Variants in DLGAP2 observed in about 807,000 individuals in gnomAD.
DLGAP2 encodes the protein disks large-associated protein 2.
In DLGAP2, 26 loss-of-function variants were observed where a neutral mutation model predicts 100.3. The observed-to-expected ratio is 0.26, with a 90% CI of 0.19 to 0.36. The LOEUF (loss-of-function observed/expected upper bound fraction) is 0.36, where lower values mean the gene tolerates loss of function less well. DLGAP2 is among the 10% of genes least tolerant of loss of function. The pLI, the probability that DLGAP2 is intolerant of heterozygous loss-of-function variation, is 1.00. For synonymous variants in DLGAP2, 886 were observed against 630.1 expected, an observed-to-expected ratio of 1.41 and a Z score of -6.08; for missense variants, 1,858 against 1,453.2, an observed-to-expected ratio of 1.28 and a Z score of -4.53.
intron 4 of DLGAP2, among the ~76,000 whole-genome samples, chr8:1,520,133 C>T (rs909550278): frequency 6.6e-6 from 1 of 152,228 alleles, no homozygotes; most frequent in Non-Finnish European, 1.5e-5. Context: ...ATGGGCTATA[C>T]ACCTGATGAA....
At chr8:1,376,464 G>T (rs1019283692) in intron 3 of DLGAP2, among the ~76,000 whole-genome samples, 2 of 152,254 alleles carry the variant, frequency 1.3e-5, no homozygotes, top group Admixed American at 6.5e-5. Context: ...TGGAAGCTGG[G>T]CTGACCTGCG....
intron 2 of DLGAP2, among the ~76,000 whole-genome samples, chr8:1,227,121 C>A (rs1337275563): frequency 9.5e-6 from 1 of 105,228 alleles, no homozygotes; most frequent in East Asian, 3.0e-4. Context: ...CCTGAGTGTC[C>A]TTCAACAAAT....
chr8:897,831 C>G (rs897487620), intron 1 of DLGAP2, among the ~76,000 whole-genome samples: 1 of 152,168 alleles, frequency 6.6e-6, no homozygotes, highest in Non-Finnish European at 1.5e-5. Flanking sequence ...GGGTGCTCTC[C>G]GTGCGGGGTT....
chr8:1,075,922 A>C (rs1388330547), intron 2 of DLGAP2, among the ~76,000 whole-genome samples: 1 of 152,030 alleles, frequency 6.6e-6, no homozygotes, highest in Non-Finnish European at 1.5e-5. Flanking sequence ...AAACAAAAAA[A>C]AAGAAAAAAG....
At chr8:978,542 G>A (rs1162332467) in intron 2 of DLGAP2, among the ~76,000 whole-genome samples, 3 of 100,328 alleles carry the variant, frequency 3.0e-5, no homozygotes, top group Admixed American at 2.3e-4. Context: ...TGCAGTGAGA[G>A]GGTGGGTTCT....
chr8:1,243,431 T>TGA (rs1798840839), intron 2 of DLGAP2, among the ~76,000 whole-genome samples: 1 of 152,214 alleles, frequency 6.6e-6, no homozygotes, highest in African/African-American at 2.4e-5. Flanking sequence ...CTGCACCCTC[T>TGA]GTCATCTGAG....
intron 6 of DLGAP2, among the ~76,000 whole-genome samples, chr8:1,582,547 G>C (rs1426885389): frequency 2.0e-5 from 3 of 150,828 alleles, no homozygotes; most frequent in Non-Finnish European, 4.4e-5. Flanking sequence ...GAAATTCATT[G>C]CTAGCAGACC....
Position 1,689,701 on chromosome 8 carries a change from C to T in DLGAP2, c.2705-1834C>T, listed in dbSNP as rs375409423. Among the ~76,000 whole-genome samples, 7 of 152,148 alleles carry T rather than the reference C, an allele frequency of 4.6e-5. No individual in the cohort carries two copies. The East Asian group carries it at 1.2e-3, about 25-fold the overall frequency. ...AAGACGCAGATGACGCCCCGTGAGC[C>T]AGCTCAGGAAAGACGGCCCCACCTT... On this transcript the variant is annotated intron_variant, in intron 12 of 14. Transcript: ENST00000637795.
At chr8:1,452,391 C>T (rs555447089) in intron 3 of DLGAP2, among the ~76,000 whole-genome samples, 51 of 152,354 alleles carry the variant, frequency 3.3e-4, no homozygotes, top group Non-Finnish European at 5.1e-4. Flanking sequence ...CGAGGCTATG[C>T]GTGCGACAGG....
At chr8:1,545,111 T>C (rs1315506738) in intron 4 of DLGAP2, among the ~76,000 whole-genome samples, 1 of 152,162 alleles carries the variant, frequency 6.6e-6, no homozygotes, top group African/African-American at 2.4e-5. Context: ...CTGGCTTTGC[T>C]AGCAGGGTAA....
chr8:1,161,945 G>A (rs187900257), intron 2 of DLGAP2, among the ~76,000 whole-genome samples: 7 of 152,378 alleles, frequency 4.6e-5, no homozygotes, highest in African/African-American at 1.7e-4. Flanking sequence ...CGTGTGCCAA[G>A]TCAGGGGTGC....
chr8:1,053,407 G>T lies in DLGAP2; in HGVS notation c.73+145441G>T, dbSNP rs2600517. ...CATACCCTTGGAAGGGAAGGAGCTT[G>T]TGCAAGCTTGATCTCCACAGAGAAG... On this transcript the variant is annotated intron_variant, in intron 2 of 14. Coordinates refer to ENST00000637795, the MANE Select transcript of DLGAP2 (RefSeq NM_001346810.2). Among the ~76,000 whole-genome samples, 872 of 152,268 alleles carry T rather than the reference G, an allele frequency of 5.7e-3. 10 individuals are homozygous for T. Among genetic ancestry groups the T allele is most frequent in the African/African-American group, 0.02 (834 of 41,546 alleles).
intron 3 of DLGAP2, among the ~76,000 whole-genome samples, chr8:1,491,472 T>C (rs564565489): frequency 1.6e-4 from 24 of 151,294 alleles, no homozygotes; most frequent in Non-Finnish European, 3.5e-4. Context: ...TAGCCTGAGA[T>C]TTGAAGGCCA....
intron 5 of DLGAP2, among the ~76,000 whole-genome samples, chr8:1,550,070 C>T (rs1177089301): frequency 2.0e-5 from 3 of 152,168 alleles, no homozygotes; most frequent in East Asian, 1.9e-4. Context: ...ACTCTCTGCT[C>T]CTATGAGTTC....
intron 2 of DLGAP2, among the ~76,000 whole-genome samples, chr8:947,278 C>G (rs1188471578): frequency 6.6e-6 from 1 of 152,186 alleles, no homozygotes; most frequent in Non-Finnish European, 1.5e-5. Context: ...TCGTTCCTGT[C>G]AGGGGCTGGG....
Position 1,324,009 on chromosome 8 carries a change from G to C in DLGAP2, c.106+65126G>C, listed in dbSNP as rs74514559. Among the ~76,000 whole-genome samples the C allele has an allele frequency of 3.7e-3, 557 of 152,314 alleles. 2 individuals carry two copies. The highest frequency in any genetic ancestry group is 0.013 in the African/African-American group (522 of 41,574). On this transcript the variant is annotated intron_variant, in intron 3 of 14. Coordinates refer to ENST00000637795, the MANE Select transcript of DLGAP2 (RefSeq NM_001346810.2). ...AAGAAGTTGCTGTTTCTTTACACCAGATTCATCTGGCAACTGAAGTGTGCG... is the reference window on the plus strand; with the variant it reads ...AAGAAGTTGCTGTTTCTTTACACCACATTCATCTGGCAACTGAAGTGTGCG...
At chr8:775,333 C>A (rs892623235) in intron 1 of DLGAP2, among the ~76,000 whole-genome samples, 1 of 151,590 alleles carries the variant, frequency 6.6e-6, no homozygotes, top group Admixed American at 6.6e-5. Context: ...TAATTGAATA[C>A]CCTTTATTTC....
chr8:1,488,692 A>G (rs1799292236), intron 3 of DLGAP2, among the ~76,000 whole-genome samples: 1 of 152,144 alleles, frequency 6.6e-6, no homozygotes, highest in South Asian at 2.1e-4. Flanking sequence ...TAGTTGTGGG[A>G]TTTTAATTCT....
At chr8:983,158 T>C (rs1457812857) in intron 2 of DLGAP2, among the ~76,000 whole-genome samples, 1 of 152,230 alleles carries the variant, frequency 6.6e-6, no homozygotes, top group Non-Finnish European at 1.5e-5. Context: ...GATAATGTTC[T>C]CTTGAAAATC....
Sources: gnomAD v4.1 joint callset for allele counts (sites outside exome capture counted in the v4.1 genomes callset) on GRCh38, gnomAD v4.1.1 for gene constraint, MANE v1.5 for transcripts, NCBI Gene and HGNC (gene_info 2026-07-23, HGNC 2026-07-21) for gene names.